Variants in NRXN3 observed in about 807,000 individuals in gnomAD.
NRXN3 encodes neurexin III.
Under a neutral mutation model 137.6 loss-of-function variants are expected in NRXN3, and 32 were observed. The observed-to-expected ratio is 0.23, with a 90% CI of 0.18 to 0.31. NRXN3 has a LOEUF of 0.31. Among genes scored for constraint, NRXN3 ranks in the 10% least tolerant of loss-of-function variants. The pLI is 1.00. For synonymous variants in NRXN3, 798 were observed against 784.5 expected (o/e 1.02, Z -0.29); for missense variants, 1,574 against 2,062.5 (o/e 0.76, Z 4.59).
intron 15 of NRXN3, among the ~76,000 whole-genome samples, chr14:79,203,385 A>AATAG (rs2066339442): frequency 6.6e-6 from 1 of 152,224 alleles, no homozygotes. Context: ...TTGTGGCATC[A>AATAG]ATAGATTTGA....
chr14:79,114,293 A>C (rs989286416), intron 15 of NRXN3, among the ~76,000 whole-genome samples: 3 of 152,168 alleles, frequency 2.0e-5, no homozygotes, highest in African/African-American at 7.2e-5. Context: ...ATTCGTCTCA[A>C]TATGTGAATA....
rs551073050 is a variant in NRXN3, at chr14:78,243,916, C to T, written c.709+114C>T. 9.5e-5 allele frequency: 73 copies of T among 768,840 alleles called. No homozygotes were observed. The East Asian group carries it at 1.7e-3, about 18-fold the overall frequency. 47.6% of individuals were successfully genotyped at this position (768,840 alleles called of 1,614,324 possible). A position where few individuals can be genotyped will look rare whatever the true frequency, so the allele number is the denominator to read the frequency against. On this transcript the variant is annotated intron_variant, in intron 2 of 20. Coordinates refer to ENST00000335750, the MANE Select transcript of NRXN3 (RefSeq NM_001330195.2). The surrounding 1 kb of genome is among the most constrained non-coding windows in gnomAD (Gnocchi z 4.2). ...ATATCTTTAGCTGCATGTTAGATCA[C>T]TGGGCCCCTTGCCCTAAGGAGGCAG...
At chr14:78,197,084 G>C (rs550293589) in intron 1 of NRXN3, among the ~76,000 whole-genome samples, 6 of 152,330 alleles carry the variant, frequency 3.9e-5, no homozygotes, top group South Asian at 2.1e-4. Flanking sequence ...TGGAGCTGCG[G>C]AAGTGTGGCA....
At position 78,302,277 on chromosome 14, in the gene NRXN3, G is replaced by A. The variant is rs372047798; in HGVS notation, c.757+4417G>A. ...TGAGTATCTTATTTTCTTTCTCGGAGTCACTGCTACTACCACTACTAGAAG... is the reference window on the plus strand; with the variant it reads ...TGAGTATCTTATTTTCTTTCTCGGAATCACTGCTACTACCACTACTAGAAG... On this transcript the variant is annotated intron_variant, in intron 4 of 20. Transcript: ENST00000335750. Among the ~76,000 whole-genome samples, 12 of 152,238 alleles carry A rather than the reference G, an allele frequency of 7.9e-5. No homozygotes were observed. In the East Asian group the frequency reaches 1.9e-3, roughly 24 times the overall value.
chr14:79,040,446 G>A (rs2099623305), intron 15 of NRXN3, among the ~76,000 whole-genome samples: 1 of 152,152 alleles, frequency 6.6e-6, no homozygotes, highest in Non-Finnish European at 1.5e-5. Flanking sequence ...AAACACTAGG[G>A]GAACATGAGA....
rs531267822 is a variant in NRXN3 at position 79,227,884 on chromosome 14, C to T, written c.3263-239337C>T. On this transcript the variant is annotated intron_variant, in intron 15 of 20. Transcript: ENST00000335750. ...TCTCTTTCTTCTCTTGCCTCTTTAC[C>T]TAATGTCTCAAATGGTAAGTCAGGC... 2.2e-5 allele frequency among the ~76,000 whole-genome samples: 3 copies of T among 136,342 alleles called. No individual in the cohort carries two copies. In the South Asian group the frequency reaches 7.5e-4, roughly 34 times the overall value. 89.4% of individuals were successfully genotyped at this position (136,342 alleles called of 152,430 possible). A position where few individuals can be genotyped will look rare whatever the true frequency, so the allele number is the denominator to read the frequency against.
At chr14:78,639,444 G>A (rs757462409) in intron 4 of NRXN3, among the ~76,000 whole-genome samples, 4 of 152,098 alleles carry the variant, frequency 2.6e-5, no homozygotes. Context: ...GCATTTTAAC[G>A]GGCTCTTCTA....
chr14:78,294,555 CAAAAAAAAAAA>C (rs199592742), intron 3 of NRXN3, among the ~76,000 whole-genome samples: 2 of 106,460 alleles, frequency 1.9e-5, no homozygotes, highest in Non-Finnish European at 3.7e-5. Flanking sequence ...GATTCCGTCT[CAAAAAAAAAAA>C]AAAAAAAAAA....
At chr14:78,834,856 C>T (rs897936359) in intron 10 of NRXN3, among the ~76,000 whole-genome samples, 4 of 152,074 alleles carry the variant, frequency 2.6e-5, no homozygotes, top group Non-Finnish European at 5.9e-5. Flanking sequence ...AATAAAGAAC[C>T]GACATACAGC....
At chr14:78,585,084 A>G (rs2097047922) in intron 4 of NRXN3, among the ~76,000 whole-genome samples, 1 of 148,552 alleles carries the variant, frequency 6.7e-6, no homozygotes, top group Admixed American at 6.7e-5. Context: ...AAATACATAC[A>G]TTATTAGGTG....
intron 15 of NRXN3, among the ~76,000 whole-genome samples, chr14:79,427,193 T>C (rs1490511156): frequency 6.6e-6 from 1 of 152,102 alleles, no homozygotes; most frequent in Non-Finnish European, 1.5e-5. Context: ...ACCAAAGCAA[T>C]CAGAAGACCT....
intron 10 of NRXN3, among the ~76,000 whole-genome samples, chr14:78,881,052 C>T (rs1179195540): frequency 6.6e-6 from 1 of 151,720 alleles, no homozygotes; most frequent in Admixed American, 6.6e-5. Flanking sequence ...GGGGATTTTC[C>T]CCCTTTTGCT....
At chr14:79,235,169 A>G (rs1597613152) in intron 15 of NRXN3, among the ~76,000 whole-genome samples, 1 of 152,212 alleles carries the variant, frequency 6.6e-6, no homozygotes, top group Admixed American at 6.5e-5. Context: ...AACTTTTCAG[A>G]GCATGTCTCA....
chr14:78,912,147 A>G (rs898070081), intron 10 of NRXN3, among the ~76,000 whole-genome samples: 5 of 149,458 alleles, frequency 3.3e-5, no homozygotes, highest in African/African-American at 1.2e-4. Flanking sequence ...TTCAATTCCC[A>G]CCTATGAGTG....
rs561774452 is a variant in NRXN3, at chr14:79,368,886, C to G, written c.3263-98335C>G. The stretch of plus-strand genomic sequence containing the variant: ...TTAATTTTTTTGTGGATTCCATTTC[C>G]AAGAATGAAAGCAAAATAATTACAT... On this transcript the variant is annotated intron_variant, in intron 15 of 20. Coordinates refer to ENST00000335750, the MANE Select transcript of NRXN3 (RefSeq NM_001330195.2). Among the ~76,000 whole-genome samples the G allele has an allele frequency of 3.3e-5, 5 of 152,128 alleles. No individual in the cohort carries two copies. The South Asian group carries it at 1.0e-3, about 32-fold the overall frequency.
intron 16 of NRXN3, among the ~76,000 whole-genome samples, chr14:79,602,577 G>T (rs1050751005): frequency 5.9e-5 from 9 of 152,122 alleles, no homozygotes; most frequent in Non-Finnish European, 7.4e-5. Flanking sequence ...CCAGTTCTTG[G>T]GGGAGTTTCA....
intron 15 of NRXN3, among the ~76,000 whole-genome samples, chr14:79,139,781 C>CA (rs1194128321): frequency 6.6e-6 from 1 of 151,804 alleles, no homozygotes; most frequent in African/African-American, 2.4e-5. Context: ...AAAATCAAAA[C>CA]AAAAAATCAG....
intron 16 of NRXN3, among the ~76,000 whole-genome samples, chr14:79,496,549 T>A (rs1481176381): frequency 6.6e-6 from 1 of 152,156 alleles, no homozygotes; most frequent in Admixed American, 6.5e-5. Flanking sequence ...ATTGTAAGAA[T>A]ATGGAAAAGT....
intron 16 of NRXN3, among the ~76,000 whole-genome samples, chr14:79,550,533 C>G (rs2008380): frequency 0.49 from 74,143 of 152,044 alleles, 20,659 homozygotes; most frequent in Admixed American, 0.61. Flanking sequence ...CTGAATGCAA[C>G]AGTGACACTT....
Sources: gnomAD v4.1 joint callset for allele counts (sites outside exome capture counted in the v4.1 genomes callset) on GRCh38, gnomAD v4.1.1 for gene constraint, Gnocchi (gnomAD v3.1) non-coding constraint, MANE v1.5 for transcripts, NCBI Gene and HGNC (gene_info 2026-07-23, HGNC 2026-07-21) for gene names.